Variants in RPS6KC1 observed in about 807,000 individuals in gnomAD.
The protein encoded by RPS6KC1 is inactive ribosomal protein S6 kinase delta-1.
RPS6KC1 carries 54 observed loss-of-function variants against 103.8 expected under a neutral mutation model. The ratio of observed to expected loss-of-function variants is 0.52; its 90% CI spans 0.42 to 0.65. The LOEUF (loss-of-function observed/expected upper bound fraction) is 0.65, where lower values mean the gene tolerates loss of function less well. Ranked by LOEUF, RPS6KC1 falls within the 30% of genes least tolerant of loss-of-function variation. The pLI is 0.00. For missense variants in RPS6KC1, 1,151 were observed against 1,253.8 expected, an observed-to-expected ratio of 0.92 and a Z score of 1.24; for synonymous variants, 439 against 438.7, an observed-to-expected ratio of 1.00 and a Z score of -0.01.
the RPS6KC1 span, among the ~76,000 whole-genome samples, chr1:213,501,004 A>C: frequency 6.6e-6 from 1 of 152,214 alleles, no homozygotes; most frequent in Non-Finnish European, 1.5e-5. Flanking sequence ...GAAAGGCTTA[A>C]CCTGAGTGAA....
chr1:213,661,541 C>G, the RPS6KC1 span, among the ~76,000 whole-genome samples: 1 of 152,300 alleles, frequency 6.6e-6, no homozygotes, highest in East Asian at 1.9e-4. Context: ...AAAGGTCAGT[C>G]TGAATCAGGA....
chr1:213,633,203 C>T, the RPS6KC1 span, among the ~76,000 whole-genome samples: 1 of 152,132 alleles, frequency 6.6e-6, no homozygotes, highest in East Asian at 1.9e-4. Flanking sequence ...GAGAACACCA[C>T]AAAGATACTC....
At chr1:213,707,494 G>C in the RPS6KC1 span, among the ~76,000 whole-genome samples, 1 of 152,012 alleles carries the variant, frequency 6.6e-6, no homozygotes, top group Non-Finnish European at 1.5e-5. Context: ...CCATTCTGTA[G>C]GTTGCCTGTT....
At chr1:213,752,122 T>C in the RPS6KC1 span, among the ~76,000 whole-genome samples, 20 of 152,336 alleles carry the variant, frequency 1.3e-4, no homozygotes, top group South Asian at 3.9e-3. Context: ...TGAAAATGCC[T>C]GAACAGAGGG....
At chr1:213,193,493 C>G (rs1023969690) in intron 8 of RPS6KC1, among the ~76,000 whole-genome samples, 2 of 151,960 alleles carry the variant, frequency 1.3e-5, no homozygotes, top group African/African-American at 4.8e-5. Context: ...AACTCCTGAA[C>G]TCAAGTGATC....
the RPS6KC1 span, among the ~76,000 whole-genome samples, chr1:213,854,510 C>T: frequency 2.5e-5 from 3 of 120,934 alleles, no homozygotes; most frequent in South Asian, 5.6e-4. Flanking sequence ...CTCTTTCTTT[C>T]TCTTTCTTTC....
At chr1:213,270,777 C>T (rs1384617888) in intron 14 of RPS6KC1, among the ~76,000 whole-genome samples, 7 of 151,872 alleles carry the variant, frequency 4.6e-5, no homozygotes, top group South Asian at 2.1e-4. Context: ...TTAAAATGGG[C>T]GGAAAGTTAG....
At chr1:213,807,241 T>C in the RPS6KC1 span, among the ~76,000 whole-genome samples, 4 of 152,184 alleles carry the variant, frequency 2.6e-5, no homozygotes, top group Non-Finnish European at 4.4e-5. Flanking sequence ...CTTTGGTGAA[T>C]CTGACAATTA....
In RPS6KC1 at chr1:213,087,416, T is replaced by A. The variant is rs1265187921; in HGVS notation, c.262+9600T>A. On this transcript the variant is annotated intron_variant, in intron 3 of 14. Transcript: ENST00000366960. The stretch of plus-strand genomic sequence containing the variant: ...CCTGGAGTTCCTGGGGCTCTTACAG[T>A]GATAATTATTGGTTCTAAGAGGCTG... Among the ~76,000 whole-genome samples the A allele has an allele frequency of 2.0e-5, 3 of 152,210 alleles. No individual in the cohort carries two copies. In the East Asian group the frequency reaches 5.8e-4, roughly 29 times the overall value.
At chr1:213,381,987 C>G in the RPS6KC1 span, among the ~76,000 whole-genome samples, 1 of 152,222 alleles carries the variant, frequency 6.6e-6, no homozygotes, top group African/African-American at 2.4e-5. Context: ...TCCAAGGAAC[C>G]TTGGACGAGG....
At chr1:213,285,857 C>G in the RPS6KC1 span, among the ~76,000 whole-genome samples, 1 of 152,110 alleles carries the variant, frequency 6.6e-6, no homozygotes, top group Non-Finnish European at 1.5e-5. Flanking sequence ...GCCCCTTCCA[C>G]CATGTGAGGA....
At chr1:213,227,805 C>G (rs943547224) in intron 8 of RPS6KC1, among the ~76,000 whole-genome samples, 17 of 152,188 alleles carry the variant, frequency 1.1e-4, no homozygotes, top group African/African-American at 4.1e-4. Context: ...TCAGCCTTAT[C>G]ATTTCTGTGC....
the RPS6KC1 span, among the ~76,000 whole-genome samples, chr1:213,456,432 G>T: frequency 1.3e-5 from 2 of 152,126 alleles, no homozygotes; most frequent in Admixed American, 6.6e-5. Context: ...TTTGGCAACT[G>T]GATGTTTTTG....
At chr1:213,595,907 C>T in the RPS6KC1 span, among the ~76,000 whole-genome samples, 3,167 of 152,222 alleles carry the variant, frequency 0.021, 119 homozygotes, top group African/African-American at 0.072. Context: ...AATCACTAAA[C>T]GTGGCAGAAT....
At chr1:213,732,836 A>G in the RPS6KC1 span, among the ~76,000 whole-genome samples, 4,970 of 152,254 alleles carry the variant, frequency 0.033, 169 homozygotes, top group East Asian at 0.081. Context: ...AGTAACCATC[A>G]TTCTACTCTC....
At chr1:213,672,315 T>G in the RPS6KC1 span, among the ~76,000 whole-genome samples, 1 of 152,248 alleles carries the variant, frequency 6.6e-6, no homozygotes, top group South Asian at 2.1e-4. Context: ...TTGAAAGCCT[T>G]GTCCATATTC....
the RPS6KC1 span, among the ~76,000 whole-genome samples, chr1:213,475,390 T>G: frequency 8.5e-5 from 13 of 152,196 alleles, no homozygotes; most frequent in Non-Finnish European, 1.9e-4. Context: ...CTTTTTTTCT[T>G]TCTTGAAATT....
At chr1:213,729,322 TCTCTAACTTTAGATCGA>T in the RPS6KC1 span, among the ~76,000 whole-genome samples, 1 of 152,072 alleles carries the variant, frequency 6.6e-6, no homozygotes, top group South Asian at 2.1e-4. Context: ...AGAACAAGCA[TCTCTAACTTTAGATCGA>T]CTCCTTTGGT....
the RPS6KC1 span, among the ~76,000 whole-genome samples, chr1:213,343,389 GTGTATATATATATA>G: frequency 2.4e-4 from 16 of 65,836 alleles, 1 homozygote; most frequent in African/African-American, 1.1e-3. Context: ...TCAGTGTTGT[GTGTATATATATATA>G]TATATATATA....
Sources: gnomAD v4.1 joint callset for allele counts (sites outside exome capture counted in the v4.1 genomes callset) on GRCh38, gnomAD v4.1.1 for gene constraint, MANE v1.5 for transcripts, NCBI Gene and HGNC (gene_info 2026-07-23, HGNC 2026-07-21) for gene names.